The following ERO1A variants were observed in gnomAD, a reference collection of about 807,000 sequenced individuals.
ERO1A encodes ERO1-like protein alpha.
In ERO1A, 49 loss-of-function variants were observed where a neutral mutation model predicts 76.9. That is an observed-to-expected ratio of 0.64 (90% confidence interval 0.51 to 0.81). The LOEUF (loss-of-function observed/expected upper bound fraction) is 0.81. ERO1A is among the 30% of genes least tolerant of loss of function. ERO1A has a pLI of 0.00. For missense variants in ERO1A, 448 were observed against 542.1 expected, an observed-to-expected ratio of 0.83 and a Z score of 1.72; for synonymous variants, 174 against 181.2, an observed-to-expected ratio of 0.96 and a Z score of 0.32.
rs2039540568 is a variant in ERO1A, at chr14:52,643,434, AAT to A, written c.*134_*135del. The stretch of plus-strand genomic sequence containing the variant: ...TTTTAAAAATGTGTTTACTTAAAAC[AAT>A]ATAATTCTCCTTTACAAAAGCAACT... On this transcript the variant is annotated 3_prime_UTR_variant, in exon 16 of 16. Transcript: ENST00000395686. 2 of 539,104 alleles carry A rather than the reference AAT, an allele frequency of 3.7e-6. No individual in the cohort carries two copies. Among genetic ancestry groups the A allele is most frequent in the Non-Finnish European group, 6.4e-6 (2 of 312,256 alleles). 33.4% of individuals were successfully genotyped at this position (539,104 alleles called of 1,614,324 possible).
At chr14:52,693,516 T>C (rs1484359411) in intron 1 of ERO1A, among the ~76,000 whole-genome samples, 1 of 152,158 alleles carries the variant, frequency 6.6e-6, no homozygotes, top group Non-Finnish European at 1.5e-5. Context: ...ATATATTCCA[T>C]TGGTTCTATC....
intron 12 of ERO1A, 113 bp downstream of exon 12, chr14:52,652,956 C>T (rs557869531): frequency 3.1e-4 from 217 of 707,688 alleles, no homozygotes; most frequent in Non-Finnish European, 4.4e-4. Context: ...GACCGTGCCA[C>T]TGCACTCCAG....
intron 11 of ERO1A, among the ~76,000 whole-genome samples, chr14:52,657,492 A>C (rs1054954418): frequency 6.6e-6 from 1 of 152,252 alleles, no homozygotes; most frequent in African/African-American, 2.4e-5. Context: ...GATGAAAATC[A>C]ACCACAGTCT....
At chr14:52,657,878 T>G (rs756711082) in intron 11 of ERO1A, 39 bp downstream of exon 11, 1 of 1,391,306 alleles carries the variant, frequency 7.2e-7, no homozygotes, top group Non-Finnish European at 1.0e-6. Context: ...ATATCTAAAA[T>G]TAAGAGTGGT....
chr14:52,685,545 T>G (rs1167193254), intron 1 of ERO1A, among the ~76,000 whole-genome samples: 1 of 152,168 alleles, frequency 6.6e-6, no homozygotes, highest in Non-Finnish European at 1.5e-5. Context: ...TATGAATTAT[T>G]ATGCAAAGAA....
chr14:52,664,771 A>G (rs1448979972), intron 7 of ERO1A, among the ~76,000 whole-genome samples: 2 of 151,916 alleles, frequency 1.3e-5, no homozygotes, highest in African/African-American at 2.4e-5. Context: ...GGCTCACTGC[A>G]AGCTCCGCCT....
chr14:52,671,315 C>G (rs2040589113), intron 6 of ERO1A, among the ~76,000 whole-genome samples: 1 of 152,144 alleles, frequency 6.6e-6, no homozygotes, highest in Non-Finnish European at 1.5e-5. Context: ...GTTTGAGTCC[C>G]TGTCTTTAAT....
intron 1 of ERO1A, among the ~76,000 whole-genome samples, chr14:52,684,162 G>GC (rs1312855642): frequency 7.5e-6 from 1 of 134,130 alleles, no homozygotes; most frequent in Admixed American, 7.2e-5. Context: ...GAGAGAGTTG[G>GC]CCCCCTGGCA....
Position 52,695,503 on chromosome 14 carries a change from C to A in ERO1A, c.-22G>T, listed in dbSNP as rs778658754. The stretch of plus-strand genomic sequence containing the variant: ...CCATTGCAGCTCCGGCAGCTTGTCG[C>A]CCCACGCTTGGGAGGCCAGTCCGCA... On this transcript the variant is annotated 5_prime_UTR_variant, in exon 1 of 16. Coordinates refer to ENST00000395686, the MANE Select transcript of ERO1A (RefSeq NM_014584.3). 7 of 1,468,718 alleles carry A rather than the reference C, an allele frequency of 4.8e-6. No homozygotes were observed. The African/African-American group carries it at 7.3e-5, about 15-fold the overall frequency. 91.0% of individuals were successfully genotyped at this position (1,468,718 alleles called of 1,614,324 possible).
chr14:52,661,709 GC>G (rs1325186232), intron 8 of ERO1A, among the ~76,000 whole-genome samples: 1 of 151,822 alleles, frequency 6.6e-6, no homozygotes, highest in Non-Finnish European at 1.5e-5. Flanking sequence ...TATTATTATT[GC>G]TTTGAAACCT....
intron 9 of ERO1A, 143 bp downstream of exon 9, chr14:52,661,150 T>C (rs536034168): frequency 1.1e-5 from 4 of 360,006 alleles, no homozygotes; most frequent in Non-Finnish European, 1.6e-5. Flanking sequence ...TCTGTGCTAG[T>C]ACCTCCAGAC....
In ERO1A at chr14:52,663,789, T is replaced by C. The variant is rs17125636; in HGVS notation, c.676+12A>G. 0.45 allele frequency: 678,827 copies of C among 1,494,458 alleles called. 157,754 individuals carry two copies. The highest frequency in any genetic ancestry group is 0.51 in the Middle Eastern group (2,973 of 5,806). 92.6% of individuals were successfully genotyped at this position (1,494,458 alleles called of 1,614,324 possible). ...CTGAGAAATAATATAACAACGCAAA[T>C]AAGTAATTTACCTTGACCAGAAGCC... On this transcript the variant is annotated intron_variant, in intron 8 of 15. Coordinates refer to ENST00000395686, the MANE Select transcript of ERO1A (RefSeq NM_014584.3).
chr14:52,651,062 A>T (rs571100249), intron 13 of ERO1A, among the ~76,000 whole-genome samples: 186 of 147,036 alleles, frequency 1.3e-3, no homozygotes, highest in African/African-American at 4.5e-3. Context: ...TGAGCCCAGG[A>T]GTTTGAGACC....
chr14:52,684,142 C>CAT (rs1453365031), intron 1 of ERO1A, among the ~76,000 whole-genome samples: 40 of 127,934 alleles, frequency 3.1e-4, no homozygotes, highest in African/African-American at 1.0e-3. Flanking sequence ...CACACACACA[C>CAT]ACACACACAG....
chr14:52,690,182 T>C (rs142912575), intron 1 of ERO1A, among the ~76,000 whole-genome samples: 33 of 152,014 alleles, frequency 2.2e-4, no homozygotes, highest in African/African-American at 6.7e-4. Flanking sequence ...GAAAAAAACA[T>C]AGGAGAAAAG....
intron 1 of ERO1A, among the ~76,000 whole-genome samples, chr14:52,688,656 A>C (rs1594836914): frequency 6.6e-6 from 1 of 152,318 alleles, no homozygotes; most frequent in Middle Eastern, 3.4e-3. Flanking sequence ...AAAATTTCCC[A>C]AAAATTTGAC....
chr14:52,684,192 G>A (rs2041101348), intron 1 of ERO1A, among the ~76,000 whole-genome samples: 1 of 150,494 alleles, frequency 6.6e-6, no homozygotes, highest in Non-Finnish European at 1.5e-5. Context: ...TTGTAACTCT[G>A]CCCTCCAGGC....
chr14:52,668,225 C>A (rs1402705618), intron 6 of ERO1A, among the ~76,000 whole-genome samples: 7 of 152,110 alleles, frequency 4.6e-5, no homozygotes, highest in African/African-American at 1.7e-4. Flanking sequence ...ATAATAAATT[C>A]ATTTTTTAAA....
rs74050997 is a variant in ERO1A at position 52,640,520 on chromosome 14, A to C, written c.*3050T>G. On this transcript the variant is annotated 3_prime_UTR_variant, in exon 16 of 16. Coordinates refer to ENST00000395686, the MANE Select transcript of ERO1A (RefSeq NM_014584.3). ...AACAGAGGAGTTTGGCTTTCTCCTGAAAGTTCCTGAAGTCACTGAAGGATA... is the reference window on the plus strand; with the variant it reads ...AACAGAGGAGTTTGGCTTTCTCCTGCAAGTTCCTGAAGTCACTGAAGGATA... 1 of 152,356 alleles carries C rather than the reference A, an allele frequency of 6.6e-6. No homozygotes were observed. Among genetic ancestry groups the C allele is most frequent in the East Asian group, 1.9e-4 (1 of 5,186 alleles). 9.4% of individuals were successfully genotyped at this position (152,356 alleles called of 1,614,324 possible).
Sources: allele counts gnomAD v4.1 joint callset (sites outside exome capture counted in the v4.1 genomes callset), GRCh38; gene constraint gnomAD v4.1.1; transcripts MANE v1.5; gene names NCBI Gene and HGNC (gene_info 2026-07-23, HGNC 2026-07-21).